FGFR3: variants seen among roughly 807,000 people sequenced by gnomAD.
FGFR3 encodes FGFR-3.
A neutral mutation model predicts 82.9 loss-of-function variants in FGFR3; 25 were observed. The ratio of observed to expected loss-of-function variants is 0.30; its 90% CI spans 0.22 to 0.42. The LOEUF is 0.42. FGFR3 is among the 10% of genes least tolerant of loss of function. The probability of loss-of-function intolerance (pLI) is 1.00; values close to 1 mark genes in which losing one functional copy is unlikely to be tolerated. For missense variants in FGFR3, 1,026 were observed against 1,161.0 expected (o/e 0.88, Z 1.69); for synonymous variants, 620 against 516.0 (o/e 1.20, Z -2.73).
Position 1,807,419 on chromosome 4 carries a change from G to GTGTGCTGA in FGFR3, c.*157_*158insTGTGCTGA. On this transcript the variant is annotated 3_prime_UTR_variant, in exon 18 of 18. Transcript: ENST00000440486. ...TGTGTGCGTGTGTGTGTGTGTGTGT[G>GTGTGCTGA]CACATCCGCGTGTGCCTGTGTGCGT... 1 of 836,296 alleles carries GTGTGCTGA rather than the reference G, an allele frequency of 1.2e-6. No individual in the cohort carries two copies. Among genetic ancestry groups the GTGTGCTGA allele is most frequent in the Non-Finnish European group, 1.9e-6 (1 of 525,804 alleles). The allele number at this position is 836,296 out of a possible 1,614,324, so 51.8% of individuals were successfully genotyped here. A position where few individuals can be genotyped will look rare whatever the true frequency, so the allele number is the denominator to read the frequency against.
Position 1,804,464 on chromosome 4 carries a change from A to G in FGFR3, c.1210A>G (p.Lys404Glu), listed in dbSNP as rs780415133. Reference protein sequence around the residue: ...TLCRLRSPPKKGLGSPTVHKI... With the variant: ...TLCRLRSPPKEGLGSPTVHKI... The stretch of plus-strand genomic sequence containing the variant: ...CTGCCGCCTGCGCAGCCCCCCCAAG[A>G]AAGGCCTGGGCTCCCCCACCGTGCA... The change falls in exon 9 of 18, where the codon AAA becomes GAA. Residue 404 changes from lysine (K) to glutamate (E), a missense_variant. Around this residue, in one of 9 missense-constraint regions of FGFR3, gnomAD observed 256 missense variants for 217.6 expected, o/e 1.18. Transcript: ENST00000440486. The G allele has an allele frequency of 3.7e-6, 6 of 1,612,752 alleles. No homozygotes were observed. Among genetic ancestry groups the G allele is most frequent in the African/African-American group, 2.7e-5 (2 of 74,856 alleles).
rs374158032 is a variant in FGFR3 at position 1,805,016 on chromosome 4, G to A, written c.1412+47G>A. On this transcript the variant is annotated intron_variant, in intron 10 of 17. Coordinates refer to ENST00000440486, the MANE Select transcript of FGFR3 (RefSeq NM_000142.5). ...CGTTGGCTGTAGGGGGCTTGGTGGTGGGGGTGAAACAGCCACCAGTCAGAG... is the reference window on the plus strand; with the variant it reads ...CGTTGGCTGTAGGGGGCTTGGTGGTAGGGGTGAAACAGCCACCAGTCAGAG... 1.6e-3 allele frequency: 2,370 copies of A among 1,514,850 alleles called. 5 individuals carry two copies. The highest frequency in any genetic ancestry group is 2.0e-3 in the Non-Finnish European group (2,218 of 1,126,550). 93.8% of individuals were successfully genotyped at this position (1,514,850 alleles called of 1,614,324 possible). A position where few individuals can be genotyped will look rare whatever the true frequency, so the allele number is the denominator to read the frequency against.
At chr4:1,794,102 G>A in intron 2 of FGFR3, 59 bp downstream of exon 2, 2 of 1,071,446 alleles carry the variant, frequency 1.9e-6, no homozygotes, top group South Asian at 2.9e-5. Flanking sequence ...AGGCGTTGGG[G>A]ACGGGAACCG....
Position 1,807,778 on chromosome 4 carries a change from C to T in FGFR3, c.*516C>T. 1.8e-6 allele frequency: 1 copy of T among 545,456 alleles called. No homozygotes were observed. Among genetic ancestry groups the T allele is most frequent in the Non-Finnish European group, 3.6e-6 (1 of 280,306 alleles). The allele number at this position is 545,456 out of a possible 1,614,324, so 33.8% of individuals were successfully genotyped here. On this transcript the variant is annotated 3_prime_UTR_variant, in exon 18 of 18. Coordinates refer to ENST00000440486, the MANE Select transcript of FGFR3 (RefSeq NM_000142.5). ...CCTCCAGGCTTTCCCACTTCCCACC[C>T]TGCCCCTCAGAGACTGAAATTACGG...
In FGFR3 at chr4:1,801,975, A is replaced by G. The variant is rs1721249267; in HGVS notation, c.880A>G (p.Asn294Asp). ...HIQWLKHVEV[N>D]GSKVGPDGTP... ...CCAGTGGCTCAAGCACGTGGAGGTG[A>G]ATGGCAGCAAGGTGGGCCCGGACGG... The change falls in exon 7 of 18, where the codon AAT becomes GAT. Residue 294 changes from asparagine to aspartate, a missense_variant. Transcript: ENST00000440486. The G allele has an allele frequency of 6.2e-7, 1 of 1,612,596 alleles. No homozygotes were observed. The highest frequency in any genetic ancestry group is 1.3e-5 in the African/African-American group (1 of 74,880).
intron 2 of FGFR3, among the ~76,000 whole-genome samples, chr4:1,797,160 A>G (rs1385515023): frequency 6.6e-6 from 1 of 152,166 alleles, no homozygotes; most frequent in East Asian, 1.9e-4. Context: ...TTTGTGGATC[A>G]AGAAAGAAAG....
At chr4:1,799,915 C>A (rs1720992711) in intron 4 of FGFR3, 103 bp downstream of exon 4, 5 of 1,339,402 alleles carry the variant, frequency 3.7e-6, no homozygotes, top group Non-Finnish European at 5.2e-6. Flanking sequence ...CCCGGAACAA[C>A]CTCCCTGGGG....
rs773566065 is a variant in FGFR3 at position 1,804,357 on chromosome 4, A to C, written c.1103A>C (p.Glu368Ala). Reference protein sequence around the residue: ...PAEEELVEADEAGSVYAGILS... With the variant: ...PAEEELVEADAAGSVYAGILS... Reference sequence around the variant, plus strand: ...GAGGAGGAGCTGGTGGAGGCTGACGAGGCGGGCAGTGTGTATGCAGGCATC... The same window carrying C: ...GAGGAGGAGCTGGTGGAGGCTGACGCGGCGGGCAGTGTGTATGCAGGCATC... Residue 368 changes from glutamate to alanine, a missense_variant, in exon 9 of 18, where the codon GAG (glutamate) becomes GCG (alanine). Transcript: ENST00000440486. 6.2e-7 allele frequency: 1 copy of C among 1,610,914 alleles called. No homozygotes were observed. The highest frequency in any genetic ancestry group is 8.5e-7 in the Non-Finnish European group (1 of 1,178,820).
rs146818438 is a variant in FGFR3 at position 1,803,024 on chromosome 4, C to T, written c.931-668C>T. Reference sequence around the variant, plus strand: ...GAGCCACCAATTTCATAGGCGTGGCCGAGAAGGCCTTTTGGCTGAGCGTTC... The same window carrying T: ...GAGCCACCAATTTCATAGGCGTGGCTGAGAAGGCCTTTTGGCTGAGCGTTC... On this transcript the variant is annotated intron_variant, in intron 7 of 17. Transcript: ENST00000440486. The T allele has an allele frequency of 2.7e-5, 43 of 1,601,116 alleles. No homozygotes were observed. The Middle Eastern group carries it at 6.6e-4, about 25-fold the overall frequency.
At chr4:1,798,473 C>T (rs901867907) in intron 2 of FGFR3, among the ~76,000 whole-genome samples, 2 of 151,976 alleles carry the variant, frequency 1.3e-5, no homozygotes, top group African/African-American at 2.4e-5. Flanking sequence ...CCGTCATGAC[C>T]GCCGTGTGGA....
At position 1,806,185 on chromosome 4, in the gene FGFR3, C is replaced by T. The variant is rs1372160339; in HGVS notation, c.1959+12C>T. The stretch of plus-strand genomic sequence containing the variant: ...AGAAGACGACCAACGTGAGCCCGGC[C>T]CTGGGGTGCGGGGGTGGGGGTCATG... On this transcript the variant is annotated intron_variant, in intron 14 of 17. Transcript: ENST00000440486. 1 of 1,612,666 alleles carries T rather than the reference C, an allele frequency of 6.2e-7. No homozygotes were observed. Among genetic ancestry groups the T allele is most frequent in the Admixed American group, 1.7e-5 (1 of 59,918 alleles).
chr4:1,806,895 G>A lies in FGFR3; in HGVS notation c.2235G>A (p.Val745=), dbSNP rs927941115. 1 of 1,611,500 alleles carries A rather than the reference G, an allele frequency of 6.2e-7. No homozygotes were observed. Among genetic ancestry groups the A allele is most frequent in the South Asian group, 1.1e-5 (1 of 90,804 alleles). Residue 745 remains valine (V), a synonymous_variant, in exon 17 of 18, where the codon GTG becomes GTA. Coordinates refer to ENST00000440486, the MANE Select transcript of FGFR3 (RefSeq NM_000142.5). ...PSQRPTFKQL[V]EDLDRVLTVT... ...AGAGGCCCACCTTCAAGCAGCTGGT[G>A]GAGGACCTGGACCGTGTCCTTACCG... is the stretch of plus-strand genomic sequence containing the variant.
intron 7 of FGFR3, among the ~76,000 whole-genome samples, chr4:1,803,365 C>T (rs1019462844): frequency 6.6e-6 from 1 of 152,198 alleles, no homozygotes; most frequent in African/African-American, 2.4e-5. Context: ...CCCCTGCCCG[C>T]TGCCTGCTCG....
At chr4:1,802,829 T>A in intron 7 of FGFR3, 1 of 1,483,280 alleles carries the variant, frequency 6.7e-7, no homozygotes, top group South Asian at 1.3e-5. Context: ...CCTCGATCTG[T>A]ACCTTGGGGG....
rs763472649 is a variant in FGFR3, at chr4:1,807,512, G to A, written c.*250G>A. ...GCTGCTGTGCAACGGTCTCCTGACT[G>A]GTGCTGCAGCACCGAGGGGCCTTTG... On this transcript the variant is annotated 3_prime_UTR_variant, in exon 18 of 18. Coordinates refer to ENST00000440486, the MANE Select transcript of FGFR3 (RefSeq NM_000142.5). 2 of 719,190 alleles carry A rather than the reference G, an allele frequency of 2.8e-6. No homozygotes were observed. Among genetic ancestry groups the A allele is most frequent in the South Asian group, 1.5e-5 (1 of 68,298 alleles). 44.6% of individuals were successfully genotyped at this position (719,190 alleles called of 1,614,324 possible). A position where few individuals can be genotyped will look rare whatever the true frequency, so the allele number is the denominator to read the frequency against.
rs121913112 is a variant in FGFR3, at chr4:1,805,561, G to A, written c.1537G>A (p.Asp513Asn). ...CAGGCCCCCCGCTCCGTGCACAGAC[G>A]ATGCCACTGACAAGGACCTGTCGGA... The part of the protein sequence containing the change: ...VTVAVKMLKD[D>N]ATDKDLSDLV... Residue 513 changes from aspartate to asparagine, a missense_variant and splice_region_variant, in exon 12 of 18, where the codon GAT (aspartate) becomes AAT (asparagine). This residue lies in a region of FGFR3 where 164 missense variants were observed against 167.5 expected (regional missense o/e 0.98). Transcript: ENST00000440486. The A allele has an allele frequency of 4.1e-5, 66 of 1,613,026 alleles. No homozygotes were observed. The highest frequency in any genetic ancestry group is 5.0e-5 in the Admixed American group (3 of 60,004).
chr4:1,796,597 G>A (rs1326298950), intron 2 of FGFR3, among the ~76,000 whole-genome samples: 1 of 152,100 alleles, frequency 6.6e-6, no homozygotes, highest in Non-Finnish European at 1.5e-5. Context: ...TTGTTCTCTG[G>A]GGTCAACCCG....
intron 2 of FGFR3, among the ~76,000 whole-genome samples, chr4:1,796,856 G>C (rs572661879): frequency 2.0e-5 from 3 of 152,208 alleles, no homozygotes; most frequent in African/African-American, 7.2e-5. Context: ...TCCTGGGCCT[G>C]TGGGGTGGGA....
Position 1,804,190 on chromosome 4 carries a change from G to T in FGFR3, c.1076-140G>T, listed in dbSNP as rs1233459898. ...GACTCACTGGCGTTACTGACTGCGA[G>T]ACCCTCCAGACAAGGCGCGTGCTGA... On this transcript the variant is annotated intron_variant, in intron 8 of 17. Coordinates refer to ENST00000440486, the MANE Select transcript of FGFR3 (RefSeq NM_000142.5). 3 of 971,470 alleles carry T rather than the reference G, an allele frequency of 3.1e-6. No individual in the cohort carries two copies. In the African/African-American group the frequency reaches 4.9e-5, roughly 16 times the overall value. 60.2% of individuals were successfully genotyped at this position (971,470 alleles called of 1,614,324 possible). A position where few individuals can be genotyped will look rare whatever the true frequency, so the allele number is the denominator to read the frequency against.
Sources: gnomAD v4.1 joint callset for allele counts (sites outside exome capture counted in the v4.1 genomes callset) on GRCh38, gnomAD v4.1.1 for gene constraint, gnomAD v4.1.1 regional missense constraint, MANE v1.5 for transcripts, NCBI Gene and HGNC (gene_info 2026-07-23, HGNC 2026-07-21) for gene names.